The following ZNF280D variants were observed in gnomAD, a reference collection of about 807,000 sequenced individuals.
ZNF280D encodes suppressor of hairy wing homolog 4.
A neutral mutation model predicts 94.7 loss-of-function variants in ZNF280D; 39 were observed. The observed-to-expected ratio is 0.41, with a 90% CI of 0.32 to 0.54. The LOEUF (loss-of-function observed/expected upper bound fraction) is 0.54. ZNF280D is among the 20% of genes least tolerant of loss of function. The pLI, the probability that ZNF280D is intolerant of heterozygous loss-of-function variation, is 0.22. For missense variants in ZNF280D, 1,090 were observed against 1,149.3 expected (o/e 0.95, Z 0.75); for synonymous variants, 398 against 377.6 (o/e 1.05, Z -0.63).
chr15:56,633,308 A>T (rs1298232104), intron 21 of ZNF280D, among the ~76,000 whole-genome samples: 1 of 152,114 alleles, frequency 6.6e-6, no homozygotes, highest in Non-Finnish European at 1.5e-5. Context: ...GACTATTCCT[A>T]AACCAGTAGC....
intron 6 of ZNF280D, chr15:56,697,907 C>T (rs2056847177): frequency 2.0e-5 from 3 of 152,236 alleles, no homozygotes; most frequent in Admixed American, 1.3e-4. Context: ...AAATATCTAG[C>T]TTAATCAAAA....
rs151241928 is a variant in ZNF280D at position 56,632,032 on chromosome 15, G to T, written c.2406C>A (p.Ser802Arg). ...CATTTTCCTTATCTGAAACTGTTAT[G>T]CTTTCTTCACTTTTTGTTGTTGATG... ...EGSSTTKSEE[S>R]ITVSDKENET... The change falls in exon 22 of 22, where the codon AGC becomes AGA. Residue 802 changes from serine to arginine, a missense_variant. By Grantham distance (110) the Ser-to-Arg change is moderately radical. Around this residue, in one of 3 missense-constraint regions of ZNF280D, gnomAD observed 577 missense variants for 568.8 expected, o/e 1.01. Transcript: ENST00000267807. 241 of 1,613,270 alleles carry T rather than the reference G, an allele frequency of 1.5e-4. No homozygotes were observed. Among genetic ancestry groups the T allele is most frequent in the Non-Finnish European group, 2.0e-4 (234 of 1,179,748 alleles).
chr15:56,668,690 A>G (rs2054468079), intron 14 of ZNF280D, 133 bp downstream of exon 14: 1 of 848,638 alleles, frequency 1.2e-6, no homozygotes, highest in Admixed American at 3.5e-5. Context: ...TTCTACACAT[A>G]AAATTAAAAC....
chr15:56,677,564 G>C lies in ZNF280D; in HGVS notation c.1263+10C>G, dbSNP rs1387414411. On this transcript the variant is annotated intron_variant, in intron 12 of 21. Transcript: ENST00000267807. ...CAAACACTTAAAAAAACAATAAAATGTATGTGTACCTGGCAGACATATGGC... is the reference window on the plus strand; with the variant it reads ...CAAACACTTAAAAAAACAATAAAATCTATGTGTACCTGGCAGACATATGGC... The C allele has an allele frequency of 3.2e-6, 5 of 1,568,792 alleles. No individual in the cohort carries two copies. Among genetic ancestry groups the C allele is most frequent in the Middle Eastern group, 1.9e-4 (1 of 5,156 alleles).
intron 15 of ZNF280D, 49 bp from the exon 16 acceptor site, chr15:56,666,584 T>G: frequency 6.5e-7 from 1 of 1,531,390 alleles, no homozygotes; most frequent in Non-Finnish European, 8.7e-7. Context: ...AAAACAAAAA[T>G]AATAAGGAAG....
chr15:56,661,105 G>T (rs1184312151), intron 16 of ZNF280D, among the ~76,000 whole-genome samples: 2 of 152,094 alleles, frequency 1.3e-5, no homozygotes, highest in Non-Finnish European at 2.9e-5. Context: ...AGAGTTTGTG[G>T]TTGCATGAAG....
intron 13 of ZNF280D, among the ~76,000 whole-genome samples, chr15:56,674,438 T>C (rs1433739412): frequency 5.3e-5 from 8 of 152,078 alleles, no homozygotes; most frequent in East Asian, 1.9e-4. Context: ...AAGTATACTA[T>C]ATTGTTTGGG....
chr15:56,708,874 C>G (rs1344096304), intron 1 of ZNF280D, among the ~76,000 whole-genome samples: 2 of 152,098 alleles, frequency 1.3e-5, no homozygotes, highest in Non-Finnish European at 2.9e-5. Context: ...GGATTAAAGA[C>G]TTAAATGTTA....
intron 20 of ZNF280D, among the ~76,000 whole-genome samples, chr15:56,641,997 A>G (rs1421193093): frequency 4.0e-5 from 6 of 151,726 alleles, no homozygotes; most frequent in African/African-American, 1.4e-4. Context: ...CAAACTGTCA[A>G]TATCATGAAT....
At chr15:56,677,910 G>C (rs1164242786) in intron 11 of ZNF280D, among the ~76,000 whole-genome samples, 2 of 151,768 alleles carry the variant, frequency 1.3e-5, no homozygotes, top group African/African-American at 2.4e-5. Flanking sequence ...CATTATTCAA[G>C]TATTAAGTAA....
At position 56,658,504 on chromosome 15, in the gene ZNF280D, A is replaced by G. The variant is rs376066281; in HGVS notation, c.1995-18T>C. ...TATGAAAGCTGGAGAAACAAAAGAG[A>G]TAGTAAAAATTTTATTATACAATAA... On this transcript the variant is annotated intron_variant, in intron 16 of 21. Coordinates refer to ENST00000267807, the MANE Select transcript of ZNF280D (RefSeq NM_017661.4). The G allele has an allele frequency of 2.0e-6, 3 of 1,530,788 alleles. No homozygotes were observed. In the African/African-American group the frequency reaches 4.3e-5, roughly 22 times the overall value. 94.8% of individuals were successfully genotyped at this position (1,530,788 alleles called of 1,614,324 possible).
chr15:56,644,333 G>A (rs1347213965), intron 19 of ZNF280D, among the ~76,000 whole-genome samples: 1 of 151,968 alleles, frequency 6.6e-6, no homozygotes, highest in Non-Finnish European at 1.5e-5. Flanking sequence ...CAAGTATACA[G>A]TATAACTTCA....
Position 56,666,938 on chromosome 15 carries a change from T to C in ZNF280D, c.1594A>G (p.Thr532Ala). Reference protein sequence around the residue: ...VGPLQSGASPTPSISASASTL... With the variant: ...VGPLQSGASPAPSISASASTL... ...GAAGCACTTGCACTAATGGAAGGTG[T>C]AGGTGAAGCTCCTGATTGCAGAGGT... Residue 532 changes from threonine to alanine, a missense_variant, in exon 15 of 22, where the codon ACA becomes GCA. By Grantham distance (58) the Thr-to-Ala change is moderately conservative. Around this residue, in one of 3 missense-constraint regions of ZNF280D, gnomAD observed 577 missense variants for 568.8 expected, o/e 1.01. Transcript: ENST00000267807. 1 of 1,611,946 alleles carries C rather than the reference T, an allele frequency of 6.2e-7. No individual in the cohort carries two copies.
At chr15:56,636,424 C>T (rs1433304772) in intron 20 of ZNF280D, among the ~76,000 whole-genome samples, 2 of 151,484 alleles carry the variant, frequency 1.3e-5, no homozygotes, top group African/African-American at 2.4e-5. Context: ...CCGCAACTTA[C>T]ACAACAGGCA....
At chr15:56,705,437 T>C (rs1466835836) in intron 3 of ZNF280D, among the ~76,000 whole-genome samples, 1 of 152,226 alleles carries the variant, frequency 6.6e-6, no homozygotes, top group African/African-American at 2.4e-5. Context: ...AGCAGAGAGC[T>C]GACATCAAGT....
intron 6 of ZNF280D, chr15:56,700,084 A>T: frequency 2.1e-6 from 1 of 485,056 alleles, no homozygotes; most frequent in Non-Finnish European, 2.7e-6. Flanking sequence ...GTTGACCCTC[A>T]AACCTCTGAA....
chr15:56,651,989 T>G (rs1205503596), intron 19 of ZNF280D, among the ~76,000 whole-genome samples: 1 of 151,886 alleles, frequency 6.6e-6, no homozygotes, highest in African/African-American at 2.4e-5. Context: ...TGGATAAACT[T>G]TTAAAAACTG....
At chr15:56,720,876 C>T (rs183385440) in intron 1 of ZNF280D, among the ~76,000 whole-genome samples, 101 of 148,528 alleles carry the variant, frequency 6.8e-4, no homozygotes, top group Non-Finnish European at 2.4e-4. Context: ...TTGTAAACCA[C>T]GTTTACATCT....
chr15:56,664,537 C>T (rs896362368), intron 16 of ZNF280D, among the ~76,000 whole-genome samples: 5 of 151,938 alleles, frequency 3.3e-5, no homozygotes, highest in East Asian at 1.9e-4. Flanking sequence ...AGGAAAAATA[C>T]GTGGGGTTGA....
Sources: allele counts gnomAD v4.1 joint callset (sites outside exome capture counted in the v4.1 genomes callset), GRCh38; gene constraint gnomAD v4.1.1; regional missense constraint gnomAD v4.1.1; transcripts MANE v1.5; gene names NCBI Gene and HGNC (gene_info 2026-07-23, HGNC 2026-07-21).